ARMC8: variants seen among roughly 807,000 people sequenced by gnomAD.
ARMC8 encodes armadillo repeat containing 8.
Under a neutral mutation model 99.3 loss-of-function variants are expected in ARMC8, and 20 were observed. That is an observed-to-expected ratio of 0.20 (90% CI 0.14 to 0.29). ARMC8 has a LOEUF of 0.29. ARMC8 is among the 10% of genes least tolerant of loss of function. ARMC8 has a pLI of 1.00. For missense variants in ARMC8, 569 were observed against 809.5 expected, an observed-to-expected ratio of 0.70 and a Z score of 3.60; for synonymous variants, 263 against 278.3, an observed-to-expected ratio of 0.95 and a Z score of 0.55.
chr3:138,211,936 G>C (rs377424586), intron 2 of ARMC8, among the ~76,000 whole-genome samples: 1 of 152,068 alleles, frequency 6.6e-6, no homozygotes, highest in East Asian at 1.9e-4. Context: ...CCTCAAAGAA[G>C]AGAAAGGGGG....
At chr3:138,233,578 C>T (rs1295447953) in intron 6 of ARMC8, among the ~76,000 whole-genome samples, 1 of 152,126 alleles carries the variant, frequency 6.6e-6, no homozygotes, top group East Asian at 1.9e-4. Context: ...GAGTTTTTTA[C>T]AGATTCTTTT....
At chr3:138,240,646 C>T (rs776180102) in intron 10 of ARMC8, among the ~76,000 whole-genome samples, 1 of 152,012 alleles carries the variant, frequency 6.6e-6, no homozygotes, top group African/African-American at 2.4e-5. Flanking sequence ...CTTCTACTAG[C>T]CTAATAGGAA....
At chr3:138,252,087 C>G (rs1559991544) in intron 12 of ARMC8, among the ~76,000 whole-genome samples, 1 of 152,148 alleles carries the variant, frequency 6.6e-6, no homozygotes, top group Admixed American at 6.5e-5. Context: ...ATGCTCTTTC[C>G]TATGAATAAA....
At chr3:138,207,319 CAA>C (rs749553982) in intron 1 of ARMC8, among the ~76,000 whole-genome samples, 23 of 152,156 alleles carry the variant, frequency 1.5e-4, no homozygotes, top group Admixed American at 3.3e-4. Context: ...AACATAGTAA[CAA>C]GAGAATATGA....
chr3:138,261,604 CT>C (rs2047749396), intron 12 of ARMC8: 2 of 152,046 alleles, frequency 1.3e-5, no homozygotes, highest in African/African-American at 4.8e-5. Flanking sequence ...TGGACAGAGC[CT>C]TTATTGTATA....
intron 1 of ARMC8, among the ~76,000 whole-genome samples, chr3:138,208,167 G>A (rs1489034954): frequency 6.6e-6 from 1 of 151,726 alleles, no homozygotes; most frequent in Non-Finnish European, 1.5e-5. Flanking sequence ...AGCAAATTCA[G>A]AATACGAAAA....
chr3:138,267,640 G>A (rs2048394124), intron 15 of ARMC8, among the ~76,000 whole-genome samples: 1 of 152,160 alleles, frequency 6.6e-6, no homozygotes. Context: ...GCTGTCATTG[G>A]AAAATCATCT....
intron 12 of ARMC8, chr3:138,246,745 C>T: frequency 1.0e-6 from 1 of 985,218 alleles, no homozygotes; most frequent in Non-Finnish European, 1.2e-6. Flanking sequence ...ATATCATGTT[C>T]TAGAAATACC....
Position 138,252,598 on chromosome 3 carries a change from C to T in ARMC8, c.1134+7415C>T, listed in dbSNP as rs527713070. Among the ~76,000 whole-genome samples the T allele has an allele frequency of 1.1e-3, 168 of 151,870 alleles. 1 individual carries two copies. Among genetic ancestry groups the T allele is most frequent in the South Asian group, 6.9e-3 (33 of 4,804 alleles). ...CCTCCCAAGTAGCTGAGATTACAGG[C>T]GCCCGCCACCACGCCTGGCTAATTT... On this transcript the variant is annotated intron_variant, in intron 12 of 21. Transcript: ENST00000469044.
intron 11 of ARMC8, among the ~76,000 whole-genome samples, chr3:138,243,332 T>C (rs2046719766): frequency 6.6e-6 from 1 of 152,212 alleles, no homozygotes; most frequent in Non-Finnish European, 1.5e-5. Context: ...ATAGTTTGTT[T>C]TGTCATCTTT....
intron 14 of ARMC8, among the ~76,000 whole-genome samples, chr3:138,266,422 A>G (rs1381717198): frequency 6.6e-6 from 1 of 152,020 alleles, no homozygotes; most frequent in African/African-American, 2.4e-5. Context: ...CAGATTTGAC[A>G]TTTCTGGATT....
chr3:138,246,464 C>T (rs2108197654), intron 12 of ARMC8: 1 of 985,164 alleles, frequency 1.0e-6, no homozygotes, highest in Middle Eastern at 5.2e-4. Flanking sequence ...TGGTGTATTG[C>T]AAGGGGAGAG....
At chr3:138,230,641 G>A (rs371175962) in intron 6 of ARMC8, among the ~76,000 whole-genome samples, 5 of 152,098 alleles carry the variant, frequency 3.3e-5, no homozygotes, top group African/African-American at 1.2e-4. Context: ...GTCACAGAAC[G>A]AGACCCTGTC....
intron 5 of ARMC8, among the ~76,000 whole-genome samples, chr3:138,227,963 CT>C (rs2045779448): frequency 6.6e-6 from 1 of 152,092 alleles, no homozygotes; most frequent in Non-Finnish European, 1.5e-5. Context: ...ACTCCTTCTG[CT>C]TTCTTTTGTT....
rs540357506 is a variant in ARMC8, at chr3:138,263,747, G to T, written c.1143G>T (p.Glu381Asp). 3 of 1,613,864 alleles carry T rather than the reference G, an allele frequency of 1.9e-6. No homozygotes were observed. Among genetic ancestry groups the T allele is most frequent in the Admixed American group, 3.3e-5 (2 of 60,026 alleles). ...TTAACCTTTTTCTCCAGATCATTGA[G>T]ACTGAAAATATGATGGACCGAATTG... The part of the protein sequence containing the change: ...NDEDIRKKII[E>D]TENMMDRIVT... Residue 381 changes from glutamate (E) to aspartate (D), a missense_variant, in exon 13 of 22, where the codon GAG becomes GAT. Glu to Asp is a conservative substitution (Grantham distance 45). Coordinates refer to ENST00000469044, the MANE Select transcript of ARMC8 (RefSeq NM_001363941.2).
chr3:138,198,886 C>T lies in ARMC8; in HGVS notation c.46-10931C>T, dbSNP rs193223838. ...TTAATTTACTATTTATTTTTGATAACGTGAAGTCTGGTTTTTGGTCTTTGC... is the reference window on the plus strand; with the variant it reads ...TTAATTTACTATTTATTTTTGATAATGTGAAGTCTGGTTTTTGGTCTTTGC... On this transcript the variant is annotated intron_variant, in intron 1 of 21. Transcript: ENST00000469044. Among the ~76,000 whole-genome samples the T allele has an allele frequency of 4.3e-4, 66 of 152,036 alleles. 1 individual carries two copies. Among genetic ancestry groups the T allele is most frequent in the African/African-American group, 1.4e-3 (57 of 41,480 alleles).
At chr3:138,188,459 A>G (rs999238942) in intron 1 of ARMC8, 14 of 1,612,114 alleles carry the variant, frequency 8.7e-6, no homozygotes, top group Non-Finnish European at 1.2e-5. Context: ...AACCAGGACC[A>G]GGAATGAAAG....
chr3:138,256,862 A>G (rs2047436214), intron 12 of ARMC8, among the ~76,000 whole-genome samples: 1 of 152,144 alleles, frequency 6.6e-6, no homozygotes, highest in Non-Finnish European at 1.5e-5. Flanking sequence ...CTGTTTTCGA[A>G]GTCAGATCTC....
chr3:138,273,706 G>GC (rs2048993854), intron 17 of ARMC8, among the ~76,000 whole-genome samples: 1 of 152,066 alleles, frequency 6.6e-6, no homozygotes. Flanking sequence ...CCTTCTCTGT[G>GC]CCCCACAAGT....
Sources: allele counts gnomAD v4.1 joint callset (sites outside exome capture counted in the v4.1 genomes callset), GRCh38; gene constraint gnomAD v4.1.1; transcripts MANE v1.5; gene names NCBI Gene and HGNC (gene_info 2026-07-23, HGNC 2026-07-21).